ATP2C2: variants seen among roughly 807,000 people sequenced by gnomAD.
ATP2C2 encodes ATPase secretory pathway Ca2+ transporting 2, also known as calcium-transporting ATPase type 2C member 2.
A neutral mutation model predicts 110.8 loss-of-function variants in ATP2C2; 171 were observed. The observed-to-expected ratio is 1.54, with a 90% CI of 1.36 to 1.75. ATP2C2 has a LOEUF of 1.75. Among genes scored for constraint, ATP2C2 ranks in the 40% most tolerant of loss-of-function variants. The pLI, the probability that ATP2C2 is intolerant of heterozygous loss-of-function variation, is 0.00. For synonymous variants in ATP2C2, 804 were observed against 508.4 expected (o/e 1.58, Z -7.82); for missense variants, 1,963 against 1,235.0 (o/e 1.59, Z -8.84).
At chr16:84,449,238 C>G (rs1228190716) in intron 17 of ATP2C2, among the ~76,000 whole-genome samples, 3 of 152,252 alleles carry the variant, frequency 2.0e-5, no homozygotes, top group African/African-American at 4.8e-5. Context: ...GTTGGCCTTA[C>G]TGGCTCAGGA....
In ATP2C2 at chr16:84,369,703, C is replaced by T. The variant is rs143521265; in HGVS notation, c.99+989C>T. Among the ~76,000 whole-genome samples, 587 of 151,840 alleles carry T rather than the reference C, an allele frequency of 3.9e-3. 12 individuals carry two copies. The highest frequency in any genetic ancestry group is 0.031 in the Admixed American group (476 of 15,260). ...TGACTTAAAATTTTATTTTTTTCTC[C>T]CAAAGAATACTAATGGTCAAAACAT... On this transcript the variant is annotated intron_variant, in intron 1 of 26. Transcript: ENST00000262429.
In ATP2C2 at chr16:84,410,774, G is replaced by C. The variant is rs1906211377; in HGVS notation, c.515+9G>C. 1 of 1,613,280 alleles carries C rather than the reference G, an allele frequency of 6.2e-7. No individual in the cohort carries two copies. The highest frequency in any genetic ancestry group is 1.1e-5 in the South Asian group (1 of 91,058). Reference sequence around the variant, plus strand: ...CCTCCAGAATGTAACTGGTAAGTCAGAGCCTCCCTGGGACTTTTTGGTTCA... The same window carrying C: ...CCTCCAGAATGTAACTGGTAAGTCACAGCCTCCCTGGGACTTTTTGGTTCA... On this transcript the variant is annotated intron_variant, in intron 6 of 26. Transcript: ENST00000262429.
chr16:84,463,741 A>G lies in ATP2C2; in HGVS notation c.*9A>G. ...ACCCTGAAGATGTGTAGTGGACCGC[A>G]CTCCGCGGCACCTTCCCTAATCATC... On this transcript the variant is annotated 3_prime_UTR_variant, in exon 27 of 27. Transcript: ENST00000262429. The G allele has an allele frequency of 6.3e-7, 1 of 1,593,782 alleles. No individual in the cohort carries two copies. Among genetic ancestry groups the G allele is most frequent in the Non-Finnish European group, 8.6e-7 (1 of 1,163,838 alleles).
chr16:84,369,430 G>C (rs550242878), intron 1 of ATP2C2, among the ~76,000 whole-genome samples: 6 of 152,024 alleles, frequency 3.9e-5, no homozygotes, highest in Non-Finnish European at 8.8e-5. Flanking sequence ...AACAGAACTC[G>C]TTGCATGCTT....
intron 17 of ATP2C2, among the ~76,000 whole-genome samples, 183 bp downstream of exon 17, chr16:84,448,872 C>T (rs1910004758): frequency 6.6e-6 from 1 of 152,210 alleles, no homozygotes; most frequent in Admixed American, 6.5e-5. Context: ...GTCCCCACCT[C>T]ATCCCAGTTC....
chr16:84,405,067 C>T lies in ATP2C2; in HGVS notation c.211-61C>T, dbSNP rs565921575. 1.2e-5 allele frequency: 17 copies of T among 1,379,590 alleles called. No homozygotes were observed. In the East Asian group the frequency reaches 2.5e-4, roughly 20 times the overall value. The allele number at this position is 1,379,590 out of a possible 1,614,324, so 85.5% of individuals were successfully genotyped here. ...CTGCCTTTCAGAGTGGGAGTCTGTA[C>T]CCTGTTGCCTCATTCCTTGCTGCGC... is the stretch of plus-strand genomic sequence containing the variant. On this transcript the variant is annotated intron_variant, in intron 2 of 26. Coordinates refer to ENST00000262429, the MANE Select transcript of ATP2C2 (RefSeq NM_014861.4).
intron 2 of ATP2C2, among the ~76,000 whole-genome samples, chr16:84,402,581 C>G (rs1415782776): frequency 6.6e-6 from 1 of 152,026 alleles, no homozygotes; most frequent in Non-Finnish European, 1.5e-5. Context: ...GTCTTTCATT[C>G]TGTTGATGTG....
chr16:84,426,067 A>C, intron 11 of ATP2C2: 3 of 432,158 alleles, frequency 6.9e-6, no homozygotes, highest in Non-Finnish European at 8.3e-6. Flanking sequence ...AAAAAAAAAT[A>C]CCTGAGGCTT....
At chr16:84,411,947 T>C (rs901276282) in intron 6 of ATP2C2, among the ~76,000 whole-genome samples, 1 of 151,222 alleles carries the variant, frequency 6.6e-6, no homozygotes, top group African/African-American at 2.4e-5. Context: ...TCTTTTCTTT[T>C]CTTTCTTTTC....
At chr16:84,415,164 G>A (rs897662489) in intron 6 of ATP2C2, among the ~76,000 whole-genome samples, 8 of 152,064 alleles carry the variant, frequency 5.3e-5, no homozygotes, top group Admixed American at 1.3e-4. Flanking sequence ...AAACTCTGCC[G>A]GCTGCATTTG....
rs202138543 is a variant in ATP2C2 at position 84,422,394 on chromosome 16, C to T, written c.629C>T (p.Thr210Met). ...IPADIRLTEVTDLLVDESSFT... is the reference protein window; with the variant it reads ...IPADIRLTEVMDLLVDESSFT... ...CTTTTCCCCTTGCTCTCCTAGGTCA[C>T]GGACCTCTTGGTGGATGAATCCAGT... Residue 210 changes from threonine to methionine, a missense_variant, in exon 8 of 27, where the codon ACG (threonine) becomes ATG (methionine). Thr to Met is a moderately conservative substitution (Grantham distance 81, BLOSUM62 -1). Coordinates refer to ENST00000262429, the MANE Select transcript of ATP2C2 (RefSeq NM_014861.4). 1.4e-4 allele frequency: 226 copies of T among 1,613,664 alleles called. No homozygotes were observed. The highest frequency in any genetic ancestry group is 5.5e-4 in the South Asian group (50 of 91,032).
chr16:84,398,594 G>A lies in ATP2C2; in HGVS notation c.195G>A (p.Leu65=). The change falls in exon 2 of 27, where the codon TTG becomes TTA. Residue 65 remains leucine, a synonymous_variant. Transcript: ENST00000262429. ...CGTGCAAATGCCAGAAAGAGGATTTGGCCAGAGCGTTTTGTGTAAGAATTG... is the reference window on the plus strand; with the variant it reads ...CGTGCAAATGCCAGAAAGAGGATTTAGCCAGAGCGTTTTGTGTAAGAATTG... ...KEACKCQKED[L]ARAFCVDLHT... The A allele has an allele frequency of 1.2e-6, 2 of 1,610,768 alleles. No individual in the cohort carries two copies. The highest frequency in any genetic ancestry group is 1.7e-6 in the Non-Finnish European group (2 of 1,178,578).
intron 11 of ATP2C2, among the ~76,000 whole-genome samples, chr16:84,430,572 A>G (rs1335658197): frequency 6.7e-6 from 1 of 150,320 alleles, no homozygotes; most frequent in East Asian, 2.0e-4. Context: ...CCCGGGAGGC[A>G]GAGGTTGTAG....
At chr16:84,377,234 A>T (rs1202433325) in intron 1 of ATP2C2, among the ~76,000 whole-genome samples, 1 of 152,038 alleles carries the variant, frequency 6.6e-6, no homozygotes, top group Non-Finnish European at 1.5e-5. Context: ...AGTGGAAGTC[A>T]TGTGCTAAGT....
At chr16:84,398,747 T>G in intron 2 of ATP2C2, 138 bp downstream of exon 2, 1 of 672,348 alleles carries the variant, frequency 1.5e-6, no homozygotes, top group South Asian at 2.1e-5. Flanking sequence ...ATATTGTTGA[T>G]GTTGAATGGT....
At chr16:84,455,389 T>C (rs1910702063) in intron 21 of ATP2C2, among the ~76,000 whole-genome samples, 1 of 152,136 alleles carries the variant, frequency 6.6e-6, no homozygotes, top group South Asian at 2.1e-4. Flanking sequence ...AGGATTAAAA[T>C]GAACATCTTC....
At chr16:84,372,287 G>A (rs1262948210) in intron 1 of ATP2C2, among the ~76,000 whole-genome samples, 1 of 152,196 alleles carries the variant, frequency 6.6e-6, no homozygotes, top group African/African-American at 2.4e-5. Context: ...ATTACACTCA[G>A]TTACTGGAAA....
chr16:84,439,422 A>G lies in ATP2C2; in HGVS notation c.1112-5A>G, dbSNP rs906039982. On this transcript the variant is annotated splice_region_variant and splice_polypyrimidine_tract_variant and intron_variant, in intron 12 of 26. Transcript: ENST00000262429. ...TCTTCTATAAACTGGTGTTTGTTGT[A>G]CCAGGTTGCTGCAGCGTTCTCTGTT... The G allele has an allele frequency of 1.2e-6, 2 of 1,614,070 alleles. No homozygotes were observed. The highest frequency in any genetic ancestry group is 4.5e-5 in the East Asian group (2 of 44,878).
intron 11 of ATP2C2, among the ~76,000 whole-genome samples, chr16:84,436,767 T>TTTG (rs1231776872): frequency 3.3e-5 from 5 of 149,326 alleles, no homozygotes; most frequent in Admixed American, 1.3e-4. Context: ...AAGGCTGTTT[T>TTTG]TTTTTTTTTT....
Sources: allele counts gnomAD v4.1 joint callset (sites outside exome capture counted in the v4.1 genomes callset), GRCh38; gene constraint gnomAD v4.1.1; transcripts MANE v1.5; gene names NCBI Gene and HGNC (gene_info 2026-07-23, HGNC 2026-07-21).